Variants in ADGRL3 observed in about 807,000 individuals in gnomAD.
The protein encoded by ADGRL3 is adhesion G protein-coupled receptor L3, also known as calcium-independent alpha-latrotoxin receptor 3.
ADGRL3 carries 62 observed loss-of-function variants against 153.5 expected under a neutral mutation model. That is an observed-to-expected ratio of 0.40 (90% CI 0.33 to 0.50). The LOEUF is 0.50. ADGRL3 is among the 20% of genes least tolerant of loss of function. The pLI is 0.47. For synonymous variants in ADGRL3, 710 were observed against 672.5 expected, an observed-to-expected ratio of 1.06 and a Z score of -0.86; for missense variants, 1,641 against 1,859.4, an observed-to-expected ratio of 0.88 and a Z score of 2.16.
chr4:61,844,270 A>C (rs1274001779), intron 9 of ADGRL3, among the ~76,000 whole-genome samples: 1 of 151,490 alleles, frequency 6.6e-6, no homozygotes, highest in Non-Finnish European at 1.5e-5. Flanking sequence ...ATAGATGGCC[A>C]GGCGCGGTGG....
intron 8 of ADGRL3, among the ~76,000 whole-genome samples, chr4:61,759,040 GA>G (rs2096875047): frequency 6.6e-6 from 1 of 152,108 alleles, no homozygotes; most frequent in South Asian, 2.1e-4. Flanking sequence ...AGTTTCTGCC[GA>G]GAGATCAGCT....
intron 11 of ADGRL3, among the ~76,000 whole-genome samples, chr4:61,905,504 A>G (rs1253247404): frequency 6.6e-6 from 1 of 152,190 alleles, no homozygotes; most frequent in East Asian, 1.9e-4. Flanking sequence ...CCTATAATGT[A>G]TTCCATTTAG....
intron 1 of ADGRL3, among the ~76,000 whole-genome samples, chr4:61,295,364 A>G (rs535422272): frequency 1.3e-5 from 2 of 152,126 alleles, no homozygotes; most frequent in Non-Finnish European, 2.9e-5. Context: ...ATTTACCTTT[A>G]TCATAGGTAT....
chr4:61,692,226 G>A (rs2095552118), intron 6 of ADGRL3, among the ~76,000 whole-genome samples: 1 of 152,040 alleles, frequency 6.6e-6, no homozygotes, highest in Non-Finnish European at 1.5e-5. Flanking sequence ...TTAGGTGATA[G>A]GATTTTTATT....
intron 1 of ADGRL3, among the ~76,000 whole-genome samples, chr4:61,303,078 G>A (rs1036188609): frequency 6.6e-6 from 1 of 152,128 alleles, no homozygotes; most frequent in African/African-American, 2.4e-5. Flanking sequence ...GTGAATTAAT[G>A]AGTAGAAATA....
chr4:61,432,880 T>C (rs1005241013), intron 2 of ADGRL3, among the ~76,000 whole-genome samples: 2 of 151,864 alleles, frequency 1.3e-5, no homozygotes, highest in Non-Finnish European at 2.9e-5. Context: ...CTTGAACTCC[T>C]GACCTCAGTT....
chr4:61,702,092 G>T (rs1393259270), intron 6 of ADGRL3, among the ~76,000 whole-genome samples: 2 of 152,166 alleles, frequency 1.3e-5, no homozygotes, highest in African/African-American at 4.8e-5. Flanking sequence ...GCTGACCACA[G>T]ACTGACTGAA....
chr4:61,958,171 G>T (rs1358847168), intron 17 of ADGRL3, among the ~76,000 whole-genome samples: 1 of 152,060 alleles, frequency 6.6e-6, no homozygotes, highest in Non-Finnish European at 1.5e-5. Flanking sequence ...TCCTATTAGG[G>T]AATGTCTTTT....
chr4:61,951,489 A>G (rs1054809876), intron 17 of ADGRL3, among the ~76,000 whole-genome samples: 1 of 152,196 alleles, frequency 6.6e-6, no homozygotes, highest in Non-Finnish European at 1.5e-5. Flanking sequence ...TCTCTAAACA[A>G]TAATAGCACC....
chr4:61,550,137 G>A (rs537976100), intron 4 of ADGRL3, among the ~76,000 whole-genome samples: 1 of 151,374 alleles, frequency 6.6e-6, no homozygotes, highest in African/African-American at 2.4e-5. Flanking sequence ...CCAAAATATA[G>A]AAATATCATG....
intron 3 of ADGRL3, among the ~76,000 whole-genome samples, chr4:61,502,105 G>T (rs1258294767): frequency 1.3e-5 from 2 of 152,066 alleles, no homozygotes; most frequent in South Asian, 2.1e-4. Context: ...TGATGTGGTT[G>T]GGAGCAAGGG....
intron 19 of ADGRL3, 111 bp downstream of exon 19, chr4:61,983,714 T>C (rs2099076082): frequency 2.2e-6 from 2 of 893,390 alleles, no homozygotes; most frequent in Non-Finnish European, 1.7e-6. Flanking sequence ...GGGCAGCAAA[T>C]GTGTATAATT....
At chr4:61,996,201 G>A in intron 19 of ADGRL3, 90 bp from the exon 20 acceptor site, 1 of 774,826 alleles carries the variant, frequency 1.3e-6, no homozygotes, top group Non-Finnish European at 2.2e-6. Context: ...ATGCTTTGCA[G>A]CTCACATTCT....
At chr4:61,622,638 G>A (rs1455570720) in intron 5 of ADGRL3, among the ~76,000 whole-genome samples, 2 of 152,140 alleles carry the variant, frequency 1.3e-5, no homozygotes, top group South Asian at 2.1e-4. Flanking sequence ...CATTTACTAT[G>A]TGCTAGGCAT....
intron 6 of ADGRL3, among the ~76,000 whole-genome samples, chr4:61,714,728 G>T (rs762355811): frequency 6.6e-6 from 1 of 152,084 alleles, no homozygotes; most frequent in African/African-American, 2.4e-5. Context: ...ATTTCTCAGG[G>T]ATCTTGACAG....
intron 17 of ADGRL3, among the ~76,000 whole-genome samples, chr4:61,952,539 G>A (rs753195347): frequency 2.6e-5 from 4 of 151,576 alleles, no homozygotes; most frequent in Non-Finnish European, 2.9e-5. Context: ...AGAGAGAGAT[G>A]GTGCAGGTAT....
chr4:61,206,172 G>A (rs1737116008), intron 1 of ADGRL3, among the ~76,000 whole-genome samples: 1 of 152,076 alleles, frequency 6.6e-6, no homozygotes, highest in Non-Finnish European at 1.5e-5. Context: ...ACTTAAAACA[G>A]GAACTTAGTT....
intron 1 of ADGRL3, among the ~76,000 whole-genome samples, chr4:61,294,954 G>A (rs142865169): frequency 4.0e-5 from 6 of 150,284 alleles, no homozygotes; most frequent in Non-Finnish European, 5.9e-5. Context: ...CATTATTCGC[G>A]GTTTCACTTT....
At chr4:61,654,779 C>T (rs1212797020) in intron 5 of ADGRL3, among the ~76,000 whole-genome samples, 1 of 151,956 alleles carries the variant, frequency 6.6e-6, no homozygotes, top group Non-Finnish European at 1.5e-5. Flanking sequence ...TGCCTGTAAT[C>T]CTAGTTACTC....
Sources: allele counts gnomAD v4.1 joint callset (sites outside exome capture counted in the v4.1 genomes callset), GRCh38; gene constraint gnomAD v4.1.1; transcripts MANE v1.5; gene names NCBI Gene and HGNC (gene_info 2026-07-23, HGNC 2026-07-21).